RPS6KA5: variants seen among roughly 807,000 people sequenced by gnomAD.
RPS6KA5 encodes the protein ribosomal protein S6 kinase alpha-5.
A neutral mutation model predicts 85.5 loss-of-function variants in RPS6KA5; 27 were observed. The observed-to-expected ratio is 0.32, with a 90% confidence interval of 0.23 to 0.44. The LOEUF is 0.44. RPS6KA5 is among the 20% of genes least tolerant of loss of function. RPS6KA5 has a pLI of 1.00. For synonymous variants in RPS6KA5, 334 were observed against 348.2 expected (o/e 0.96, Z 0.46); for missense variants, 811 against 980.9 (o/e 0.83, Z 2.31).
intron 1 of RPS6KA5, among the ~76,000 whole-genome samples, chr14:91,044,026 A>G (rs983805128): frequency 6.6e-6 from 1 of 152,028 alleles, no homozygotes; most frequent in Non-Finnish European, 1.5e-5. Flanking sequence ...CAGGAGTTCA[A>G]GATCAGCCTG....
At chr14:90,929,938 G>A (rs1227295630) in intron 5 of RPS6KA5, among the ~76,000 whole-genome samples, 2 of 151,940 alleles carry the variant, frequency 1.3e-5, no homozygotes, top group African/African-American at 4.8e-5. Flanking sequence ...TGGCATGATC[G>A]CAGCTCACTG....
chr14:90,853,869 G>A lies in RPS6KA5; in HGVS notation c.*18205C>T, dbSNP rs1189499804. ...TCCCATTATTCATTTAAAAAGAAAC[G>A]AACACAAATATTTCACACCCTTTTT... On this transcript the variant is annotated 3_prime_UTR_variant, in exon 17 of 17. Coordinates refer to ENST00000614987, the MANE Select transcript of RPS6KA5 (RefSeq NM_004755.4). 6.6e-6 allele frequency: 1 copy of A among 151,948 alleles called. No individual in the cohort carries two copies. The highest frequency in any genetic ancestry group is 2.4e-5 in the African/African-American group (1 of 41,358). 9.4% of individuals were successfully genotyped at this position (151,948 alleles called of 1,614,324 possible).
At chr14:91,050,911 G>C (rs2043051610) in intron 1 of RPS6KA5, among the ~76,000 whole-genome samples, 1 of 152,088 alleles carries the variant, frequency 6.6e-6, no homozygotes, top group Non-Finnish European at 1.5e-5. Flanking sequence ...TGAATCCTTT[G>C]GTAAAACAGG....
At chr14:90,887,795 T>TA (rs34873992) in intron 14 of RPS6KA5, among the ~76,000 whole-genome samples, 52,109 of 139,706 alleles carry the variant, frequency 0.37, 9,495 homozygotes, top group East Asian at 0.48. Flanking sequence ...CTTTTCTATT[T>TA]AAAAAAAAAA....
chr14:91,035,122 G>A lies in RPS6KA5; in HGVS notation c.103+25210C>T, dbSNP rs374002398. 4.0e-5 allele frequency among the ~76,000 whole-genome samples: 6 copies of A among 151,754 alleles called. 1 individual carries two copies. In the East Asian group the frequency reaches 7.7e-4, roughly 19 times the overall value. ...CTTCAAAGGAAAGATGATAATTTGA[G>A]CTAAGCCTTTAAAAGTACACAGAAA... On this transcript the variant is annotated intron_variant, in intron 1 of 16. Transcript: ENST00000614987.
chr14:90,934,655 T>A (rs2037166574), intron 5 of RPS6KA5, among the ~76,000 whole-genome samples: 1 of 152,180 alleles, frequency 6.6e-6, no homozygotes. Flanking sequence ...ACACTGAATC[T>A]ACCTTAAAAA....
intron 12 of RPS6KA5, among the ~76,000 whole-genome samples, chr14:90,898,988 C>T (rs1368506482): frequency 6.6e-6 from 1 of 152,146 alleles, no homozygotes; most frequent in Non-Finnish European, 1.5e-5. Flanking sequence ...CTGAGAGGTA[C>T]TCCAGGATTA....
At chr14:90,915,131 T>C (rs1282411518) in intron 7 of RPS6KA5, among the ~76,000 whole-genome samples, 1 of 152,146 alleles carries the variant, frequency 6.6e-6, no homozygotes, top group Non-Finnish European at 1.5e-5. Context: ...AAAAAGATAC[T>C]TGTAGTTACT....
In RPS6KA5 at chr14:90,857,418, G is replaced by A. The variant is rs1265419715; in HGVS notation, c.*14656C>T. On this transcript the variant is annotated 3_prime_UTR_variant, in exon 17 of 17. Coordinates refer to ENST00000614987, the MANE Select transcript of RPS6KA5 (RefSeq NM_004755.4). ...ACAGAAGTTAAAATGGGAAACCACA[G>A]TAGGATGATTCTTCATCAGATTTCA... The A allele has an allele frequency of 6.6e-6, 1 of 152,202 alleles. No homozygotes were observed. The highest frequency in any genetic ancestry group is 1.5e-5 in the Non-Finnish European group (1 of 68,032). 9.4% of individuals were successfully genotyped at this position (152,202 alleles called of 1,614,324 possible).
At chr14:91,050,955 TG>T (rs1359549785) in intron 1 of RPS6KA5, among the ~76,000 whole-genome samples, 1 of 152,048 alleles carries the variant, frequency 6.6e-6, no homozygotes, top group African/African-American at 2.4e-5. Context: ...GGGTCAGGTG[TG>T]GTGGCTCATG....
At position 91,011,623 on chromosome 14, in the gene RPS6KA5, C is replaced by T. The variant is rs2041261503; in HGVS notation, c.104-10464G>A. 2.0e-5 allele frequency among the ~76,000 whole-genome samples: 3 copies of T among 152,206 alleles called. No individual in the cohort carries two copies. In the South Asian group the frequency reaches 6.2e-4, roughly 31 times the overall value. The stretch of plus-strand genomic sequence containing the variant: ...GAAATTGCTGTATCATGCTCTCAAG[C>T]TTTACTGTCTTATTAGACCACTTGA... On this transcript the variant is annotated intron_variant, in intron 1 of 16. Transcript: ENST00000614987.
chr14:90,972,258 A>G (rs962324122), intron 3 of RPS6KA5, among the ~76,000 whole-genome samples: 8 of 152,232 alleles, frequency 5.3e-5, no homozygotes, highest in African/African-American at 1.7e-4. Context: ...ATGTGATTCT[A>G]AAGTTCATGC....
intron 9 of RPS6KA5, among the ~76,000 whole-genome samples, chr14:90,901,815 CT>C (rs111767790): frequency 1.3e-5 from 2 of 152,006 alleles, no homozygotes; most frequent in Non-Finnish European, 2.9e-5. Flanking sequence ...AAATCTAAAT[CT>C]TTTTTTAACA....
At chr14:90,935,251 T>C (rs2140330678) in intron 5 of RPS6KA5, among the ~76,000 whole-genome samples, 1 of 152,290 alleles carries the variant, frequency 6.6e-6, no homozygotes, top group Non-Finnish European at 1.5e-5. Flanking sequence ...AGTGGCACTA[T>C]TAGCTAGGCA....
intron 9 of RPS6KA5, among the ~76,000 whole-genome samples, chr14:90,901,004 CA>C (rs1348348898): frequency 6.6e-6 from 1 of 152,148 alleles, no homozygotes; most frequent in Non-Finnish European, 1.5e-5. Context: ...ATTCCACCCC[CA>C]AAATCAGACT....
intron 2 of RPS6KA5, among the ~76,000 whole-genome samples, chr14:90,998,009 A>G (rs1192252070): frequency 7.0e-6 from 1 of 142,898 alleles, no homozygotes; most frequent in African/African-American, 2.8e-5. Flanking sequence ...CTCTGTCTGA[A>G]AAAAAAAAAA....
At chr14:90,986,464 T>A (rs1248173593) in intron 2 of RPS6KA5, among the ~76,000 whole-genome samples, 1 of 150,098 alleles carries the variant, frequency 6.7e-6, no homozygotes, top group Admixed American at 6.7e-5. Context: ...AAAAAAAAAA[T>A]ACGTTAAAAT....
At chr14:90,980,717 T>G (rs979596486) in intron 2 of RPS6KA5, among the ~76,000 whole-genome samples, 1 of 152,174 alleles carries the variant, frequency 6.6e-6, no homozygotes, top group East Asian at 1.9e-4. Context: ...TTCACTTAAG[T>G]GAATGACCTC....
intron 5 of RPS6KA5, among the ~76,000 whole-genome samples, chr14:90,939,530 G>C (rs2037458430): frequency 6.6e-6 from 1 of 152,212 alleles, no homozygotes; most frequent in South Asian, 2.1e-4. Context: ...AGGTTTAATG[G>C]ACTTACAGTT....
Sources: allele counts gnomAD v4.1 joint callset (sites outside exome capture counted in the v4.1 genomes callset), GRCh38; gene constraint gnomAD v4.1.1; transcripts MANE v1.5; gene names NCBI Gene and HGNC (gene_info 2026-07-23, HGNC 2026-07-21).